The following CNIH3 variants were observed in gnomAD, a reference collection of about 807,000 sequenced individuals.
CNIH3 encodes protein cornichon homolog 3.
A neutral mutation model predicts 24.1 loss-of-function variants in CNIH3; 14 were observed. The ratio of observed to expected loss-of-function variants is 0.58; its 90% CI spans 0.38 to 0.91. The LOEUF is 0.91. Ranked by LOEUF, CNIH3 falls within the 40% of genes least tolerant of loss-of-function variation. The pLI, the probability that CNIH3 is intolerant of heterozygous loss-of-function variation, is 0.00. For synonymous variants in CNIH3, 68 were observed against 73.8 expected (o/e 0.92, Z 0.40); for missense variants, 178 against 196.8 (o/e 0.90, Z 0.57).
chr1:224,560,362 TG>T lies in CNIH3; in HGVS notation n.451-5836del, dbSNP rs569912418. On this transcript the variant is annotated intron_variant and non_coding_transcript_variant, in intron 3 of 5. Transcript: ENST00000471578. ...TTCAGTAGCACATAGGAACTTCTATTGCTCCTCATTCTTTTCAGCACTTTGT... is the reference window on the plus strand; with the variant it reads ...TTCAGTAGCACATAGGAACTTCTATTCTCCTCATTCTTTTCAGCACTTTGT... Among the ~76,000 whole-genome samples the T allele has an allele frequency of 7.6e-3, 1,153 of 152,276 alleles. 14 individuals are homozygous for T. The highest frequency in any genetic ancestry group is 0.011 in the Non-Finnish European group (720 of 68,020).
intron 1 of CNIH3, chr1:224,435,273 A>G: frequency 1.1e-6 from 1 of 948,892 alleles, no homozygotes; most frequent in Non-Finnish European, 1.3e-6. Context: ...AATGGTAACC[A>G]GGACCGAAAT....
chr1:224,444,060 T>C (rs1278545212), intron 1 of CNIH3, among the ~76,000 whole-genome samples: 1 of 152,196 alleles, frequency 6.6e-6, no homozygotes. Context: ...GTCCCCACCA[T>C]CCAGCTATGA....
chr1:224,607,201 T>A (rs892623413), intron 3 of CNIH3, among the ~76,000 whole-genome samples: 12 of 152,122 alleles, frequency 7.9e-5, no homozygotes, highest in African/African-American at 2.9e-4. Context: ...ACCTTTCCAA[T>A]GGTAAGTGCT....
intron 1 of CNIH3, among the ~76,000 whole-genome samples, chr1:224,486,976 T>TA (rs1677054991): frequency 6.6e-6 from 1 of 152,210 alleles, no homozygotes; most frequent in Non-Finnish European, 1.5e-5. Context: ...GAAAGTCACG[T>TA]AAAGAGCCAG....
chr1:224,490,016 T>C (rs1677182435), intron 1 of CNIH3, among the ~76,000 whole-genome samples: 2 of 152,174 alleles, frequency 1.3e-5, no homozygotes, highest in Admixed American at 6.5e-5. Flanking sequence ...GCAATAGGTA[T>C]GTAGGACCAA....
chr1:224,670,357 A>AT, intron 1 of CNIH3, among the ~76,000 whole-genome samples: 1 of 152,208 alleles, frequency 6.6e-6, no homozygotes, highest in East Asian at 1.9e-4. Flanking sequence ...GCTGGGTCTC[A>AT]TTTTCCTGAC....
In CNIH3 at chr1:224,740,384, A is replaced by G. The variant is rs1689807820; in HGVS notation, c.*1028A>G. 2 of 152,194 alleles carry G rather than the reference A, an allele frequency of 1.3e-5. No individual in the cohort carries two copies. The highest frequency in any genetic ancestry group is 2.4e-5 in the African/African-American group (1 of 41,438). The allele number at this position is 152,194 out of a possible 1,614,324, so 9.4% of individuals were successfully genotyped here. On this transcript the variant is annotated 3_prime_UTR_variant, in exon 6 of 6. Transcript: ENST00000272133. Reference sequence around the variant, plus strand: ...TTTTATGATGTTTAAATTGGGCACAATGATTTTGACCTTATTCCCCAAACT... The same window carrying G: ...TTTTATGATGTTTAAATTGGGCACAGTGATTTTGACCTTATTCCCCAAACT...
intron 1 of CNIH3, among the ~76,000 whole-genome samples, chr1:224,656,510 A>G (rs1299110657): frequency 1.3e-5 from 2 of 152,120 alleles, no homozygotes; most frequent in Non-Finnish European, 2.9e-5. Context: ...ATGATTTCTT[A>G]TCTAGGATCT....
At chr1:224,738,567 T>C (rs1689711261) in intron 5 of CNIH3, among the ~76,000 whole-genome samples, 1 of 152,324 alleles carries the variant, frequency 6.6e-6, no homozygotes, top group African/African-American at 2.4e-5. Flanking sequence ...ATGAATCTTT[T>C]TTTCTCACTA....
At chr1:224,601,532 A>C (rs980213771) in intron 3 of CNIH3, among the ~76,000 whole-genome samples, 7 of 152,114 alleles carry the variant, frequency 4.6e-5, no homozygotes, top group Admixed American at 3.9e-4. Context: ...GTGACCAGTT[A>C]TTATTTTAGA....
chr1:224,518,779 C>T (rs74146367), intron 1 of CNIH3, among the ~76,000 whole-genome samples: 5,616 of 152,248 alleles, frequency 0.037, 308 homozygotes, highest in African/African-American at 0.12. Context: ...GGCAACAACC[C>T]GTACAGCTCC....
At chr1:224,582,508 C>T (rs1358868791) in intron 4 of CNIH3, among the ~76,000 whole-genome samples, 2 of 152,180 alleles carry the variant, frequency 1.3e-5, no homozygotes, top group Non-Finnish European at 2.9e-5. Context: ...GGGGCGGTAG[C>T]CTGTGTGCAA....
chr1:224,594,715 A>T (rs970721113), intron 3 of CNIH3, among the ~76,000 whole-genome samples: 10 of 152,242 alleles, frequency 6.6e-5, no homozygotes, highest in African/African-American at 2.4e-4. Flanking sequence ...CTCTCTAGGG[A>T]TGGTCTCTAG....
upstream of CNIH3, among the ~76,000 whole-genome samples, chr1:224,613,400 A>G (rs1326534402): frequency 6.6e-6 from 1 of 152,360 alleles, no homozygotes. Flanking sequence ...ATTTGTAGGC[A>G]TTCAACTTCT....
intron 1 of CNIH3, among the ~76,000 whole-genome samples, chr1:224,443,346 G>A (rs1481748995): frequency 1.3e-5 from 2 of 152,246 alleles, no homozygotes; most frequent in Admixed American, 6.5e-5. Flanking sequence ...TTTCTAAATT[G>A]TGTAGGCCTG....
chr1:224,620,304 A>G (rs1199995500), intron 1 of CNIH3, among the ~76,000 whole-genome samples: 1 of 152,260 alleles, frequency 6.6e-6, no homozygotes, highest in Non-Finnish European at 1.5e-5. Context: ...AGAGATTACA[A>G]GGTTGCCTAA....
intron 2 of CNIH3, among the ~76,000 whole-genome samples, chr1:224,530,685 T>C (rs1679028875): frequency 6.6e-6 from 1 of 152,076 alleles, no homozygotes; most frequent in African/African-American, 2.4e-5. Flanking sequence ...CTGCAACCTC[T>C]GCCTCCTGGG....
chr1:224,581,707 G>C (rs1296913999), intron 4 of CNIH3, among the ~76,000 whole-genome samples: 1 of 152,128 alleles, frequency 6.6e-6, no homozygotes, highest in African/African-American at 2.4e-5. Context: ...TTTTGTTATT[G>C]ATTGGTTGGC....
chr1:224,546,477 G>A (rs712090), intron 2 of CNIH3, among the ~76,000 whole-genome samples: 4 of 152,278 alleles, frequency 2.6e-5, no homozygotes, highest in South Asian at 2.1e-4. Flanking sequence ...CAACCTGGAG[G>A]GGGTAATGAA....
Sources: gnomAD v4.1 joint callset for allele counts (sites outside exome capture counted in the v4.1 genomes callset) on GRCh38, gnomAD v4.1.1 for gene constraint, MANE v1.5 for transcripts, NCBI Gene and HGNC (gene_info 2026-07-23, HGNC 2026-07-21) for gene names.